DPYD: variants seen among roughly 807,000 people sequenced by gnomAD.
DPYD encodes dihydropyrimidine dehydrogenase [NADP(+)].
DPYD carries 109 observed loss-of-function variants against 116.2 expected under a neutral mutation model. The ratio of observed to expected loss-of-function variants is 0.94; its 90% CI spans 0.80 to 1.10. The LOEUF is 1.10. Among genes scored for constraint, DPYD ranks in the 50% least tolerant of loss-of-function variants. DPYD has a pLI of 0.00. For missense variants in DPYD, 1,302 were observed against 1,254.5 expected, an observed-to-expected ratio of 1.04 and a Z score of -0.57; for synonymous variants, 440 against 432.0, an observed-to-expected ratio of 1.02 and a Z score of -0.23.
chr1:97,848,159 G>A (rs1457566079), intron 2 of DPYD, among the ~76,000 whole-genome samples: 4 of 152,066 alleles, frequency 2.6e-5, no homozygotes, highest in African/African-American at 4.8e-5. Flanking sequence ...GTGCAGTGGC[G>A]TGATCTTGGC....
At chr1:97,111,437 C>T (rs1330000632) in intron 20 of DPYD, among the ~76,000 whole-genome samples, 1 of 151,848 alleles carries the variant, frequency 6.6e-6, no homozygotes, top group Non-Finnish European at 1.5e-5. Context: ...TCTTGCTATT[C>T]TTGACAAGTC....
intron 20 of DPYD, among the ~76,000 whole-genome samples, chr1:97,125,907 T>A (rs895344957): frequency 6.6e-6 from 1 of 152,144 alleles, no homozygotes; most frequent in South Asian, 2.1e-4. Context: ...AAGCAAAAAA[T>A]TATTTTTATA....
At chr1:97,558,084 A>C (rs1012659565) in intron 11 of DPYD, among the ~76,000 whole-genome samples, 8 of 152,208 alleles carry the variant, frequency 5.3e-5, no homozygotes, top group Admixed American at 4.6e-4. Context: ...ACTAAAGTGA[A>C]GACAGGAACA....
chr1:97,593,769 A>T (rs2102254307), intron 9 of DPYD, among the ~76,000 whole-genome samples: 1 of 152,310 alleles, frequency 6.6e-6, no homozygotes. Flanking sequence ...GATCTGTGTT[A>T]ACGGTTTGCA....
At chr1:97,354,431 C>T (rs1031946406) in intron 16 of DPYD, among the ~76,000 whole-genome samples, 1 of 136,128 alleles carries the variant, frequency 7.3e-6, no homozygotes, top group Non-Finnish European at 1.6e-5. Flanking sequence ...CATTCTTAAA[C>T]AAAATGATTT....
At chr1:97,715,393 C>A (rs749597149) in intron 5 of DPYD, among the ~76,000 whole-genome samples, 3 of 152,126 alleles carry the variant, frequency 2.0e-5, no homozygotes, top group Non-Finnish European at 4.4e-5. Flanking sequence ...TGTCTCATTA[C>A]ATTTACTACA....
intron 5 of DPYD, among the ~76,000 whole-genome samples, chr1:97,715,352 A>G (rs1557902905): frequency 6.6e-6 from 1 of 152,168 alleles, no homozygotes; most frequent in Non-Finnish European, 1.5e-5. Context: ...AGATTGGACA[A>G]TAAGTCCAAG....
intron 14 of DPYD, among the ~76,000 whole-genome samples, chr1:97,428,717 A>C (rs1675008466): frequency 6.6e-6 from 1 of 152,088 alleles, no homozygotes; most frequent in Non-Finnish European, 1.5e-5. Flanking sequence ...TTACAGACAC[A>C]AGTGATTCAG....
chr1:97,338,405 G>A (rs1031165782), intron 16 of DPYD, among the ~76,000 whole-genome samples: 3 of 152,026 alleles, frequency 2.0e-5, no homozygotes, highest in Admixed American at 6.6e-5. Flanking sequence ...CTTGGGGAAG[G>A]GAGAAGAACA....
At chr1:97,116,994 CAA>C (rs397784957) in intron 20 of DPYD, among the ~76,000 whole-genome samples, 35,342 of 106,956 alleles carry the variant, frequency 0.33, 4,764 homozygotes, top group East Asian at 0.57. Flanking sequence ...ACTAAAAATA[CAA>C]AAAAAAAAAA....
intron 1 of DPYD, among the ~76,000 whole-genome samples, chr1:97,919,236 G>T (rs923360574): frequency 6.6e-6 from 1 of 152,172 alleles, no homozygotes; most frequent in Non-Finnish European, 1.5e-5. Context: ...AAGAGCTGAA[G>T]GTGTTTGAAC....
Position 97,516,075 on chromosome 1 carries a change from T to C in DPYD, c.1525-134A>G, listed in dbSNP as rs1648216320. Reference sequence around the variant, plus strand: ...ACAGTCTGTTTACAATGAAAAAAACTGGCAAAAAGTCAGTGAGCAGTGAAC... The same window carrying C: ...ACAGTCTGTTTACAATGAAAAAAACCGGCAAAAAGTCAGTGAGCAGTGAAC... On this transcript the variant is annotated intron_variant, in intron 12 of 22. Transcript: ENST00000370192. 9.7e-6 allele frequency: 9 copies of C among 924,794 alleles called. No individual in the cohort carries two copies. In the East Asian group the frequency reaches 2.4e-4, roughly 24 times the overall value. The allele number at this position is 924,794 out of a possible 1,614,324, so 57.3% of individuals were successfully genotyped here. A position where few individuals can be genotyped will look rare whatever the true frequency, so the allele number is the denominator to read the frequency against.
chr1:97,675,473 A>G (rs1484662323), intron 8 of DPYD, among the ~76,000 whole-genome samples: 1 of 152,204 alleles, frequency 6.6e-6, no homozygotes, highest in Non-Finnish European at 1.5e-5. Context: ...ACAATGATGT[A>G]CATTCAATGA....
At chr1:97,824,366 G>C (rs1669120121) in intron 3 of DPYD, among the ~76,000 whole-genome samples, 1 of 152,176 alleles carries the variant, frequency 6.6e-6, no homozygotes, top group Non-Finnish European at 1.5e-5. Context: ...TGAGAACTCT[G>C]TTAAGTGAGA....
intron 18 of DPYD, among the ~76,000 whole-genome samples, chr1:97,304,250 C>T (rs755528428): frequency 5.3e-5 from 8 of 151,940 alleles, no homozygotes; most frequent in South Asian, 4.1e-4. Flanking sequence ...CACATGCTAA[C>T]GCGGTCCACG....
chr1:97,218,355 C>A (rs1300292195), intron 19 of DPYD, among the ~76,000 whole-genome samples: 11 of 151,740 alleles, frequency 7.2e-5, no homozygotes, highest in African/African-American at 2.4e-4. Flanking sequence ...CAAAAAATGA[C>A]CAAAAACATA....
chr1:97,817,992 G>A (rs1668718612), intron 3 of DPYD, among the ~76,000 whole-genome samples: 1 of 151,840 alleles, frequency 6.6e-6, no homozygotes, highest in Admixed American at 6.6e-5. Context: ...CTTTTCTTTG[G>A]TAGCAAAACA....
At chr1:97,209,159 A>T (rs1231092770) in intron 19 of DPYD, among the ~76,000 whole-genome samples, 1 of 152,162 alleles carries the variant, frequency 6.6e-6, no homozygotes, top group Non-Finnish European at 1.5e-5. Context: ...GAATCATATT[A>T]CCACCGCCTA....
At chr1:97,557,579 G>C (rs551910081) in intron 11 of DPYD, among the ~76,000 whole-genome samples, 61 of 152,066 alleles carry the variant, frequency 4.0e-4, no homozygotes, top group Admixed American at 1.2e-3. Flanking sequence ...GCCTCCCAAA[G>C]TGCTGGAATT....
Sources: gnomAD v4.1 joint callset for allele counts (sites outside exome capture counted in the v4.1 genomes callset) on GRCh38, gnomAD v4.1.1 for gene constraint, MANE v1.5 for transcripts, NCBI Gene and HGNC (gene_info 2026-07-23, HGNC 2026-07-21) for gene names.